The following TPO variants were observed in gnomAD, a reference collection of about 807,000 sequenced individuals.
TPO encodes the protein thyroid peroxidase, also known as thyroid microsomal antigen.
Under a neutral mutation model 96.9 loss-of-function variants are expected in TPO, and 78 were observed. The ratio of observed to expected loss-of-function variants is 0.81; its 90% CI spans 0.67 to 0.97. TPO has a LOEUF of 0.97. Among genes scored for constraint, TPO ranks in the 50% least tolerant of loss-of-function variants. TPO has a pLI of 0.00. For synonymous variants in TPO, 547 were observed against 538.0 expected (o/e 1.02, Z -0.23); for missense variants, 1,252 against 1,274.8 (o/e 0.98, Z 0.27).
chr2:1,376,297 C>G (rs1462739816), intron 1 of TPO, among the ~76,000 whole-genome samples: 1 of 152,132 alleles, frequency 6.6e-6, no homozygotes, highest in Non-Finnish European at 1.5e-5. Context: ...CTCCCACATG[C>G]GTTGATGTGA....
intron 7 of TPO, among the ~76,000 whole-genome samples, chr2:1,458,507 G>A (rs1277584619): frequency 6.6e-6 from 1 of 151,854 alleles, no homozygotes; most frequent in Non-Finnish European, 1.5e-5. Flanking sequence ...GACAGTTTGT[G>A]GGCACATGTG....
chr2:1,532,553 T>G (rs1468387651), intron 15 of TPO, among the ~76,000 whole-genome samples: 1 of 91,272 alleles, frequency 1.1e-5, no homozygotes, highest in Non-Finnish European at 2.1e-5. Flanking sequence ...GTCAGCAACC[T>G]CCTCAAATCC....
chr2:1,408,613 C>T (rs548375114), upstream of TPO, among the ~76,000 whole-genome samples: 9 of 152,130 alleles, frequency 5.9e-5, no homozygotes, highest in South Asian at 2.1e-4. Flanking sequence ...TGGGTGGGCA[C>T]GTGCAGTCAC....
chr2:1,396,785 T>C (rs1662086167), intron 1 of TPO, among the ~76,000 whole-genome samples: 1 of 152,172 alleles, frequency 6.6e-6, no homozygotes, highest in African/African-American at 2.4e-5. Context: ...GCAGGCTTTT[T>C]TGCAAGCTAT....
intron 14 of TPO, among the ~76,000 whole-genome samples, chr2:1,509,614 T>G (rs545107684): frequency 6.7e-6 from 1 of 148,448 alleles, no homozygotes; most frequent in East Asian, 2.0e-4. Flanking sequence ...CAGGATACCC[T>G]CCTGTGTCAG....
intron 11 of TPO, among the ~76,000 whole-genome samples, chr2:1,494,793 A>C (rs971515780): frequency 6.6e-6 from 1 of 152,208 alleles, no homozygotes; most frequent in East Asian, 1.9e-4. Flanking sequence ...CACTGTGCCG[A>C]GGTCAGATTT....
intron 5 of TPO, among the ~76,000 whole-genome samples, chr2:1,446,701 G>T (rs1012911910): frequency 2.0e-5 from 3 of 152,136 alleles, no homozygotes; most frequent in Non-Finnish European, 4.4e-5. Context: ...TGAGAAATAT[G>T]TTTTACAAAT....
chr2:1,484,978 T>C (rs971298555), intron 9 of TPO, 124 bp downstream of exon 9: 2 of 1,442,332 alleles, frequency 1.4e-6, no homozygotes, highest in African/African-American at 1.4e-5. Context: ...ACGTAGGGTA[T>C]ACATGTGCCA....
At chr2:1,480,850 T>TCCCTGCTGCTGCGTCTGTCCTC (rs1296928653) in intron 8 of TPO, among the ~76,000 whole-genome samples, 4 of 60,616 alleles carry the variant, frequency 6.6e-5, no homozygotes, top group African/African-American at 9.4e-5. Flanking sequence ...GTCCTCACCA[T>TCCCTGCTGCTGCGTCTGTCCTC]ACCCACTCTA....
intron 9 of TPO, among the ~76,000 whole-genome samples, chr2:1,485,189 A>G (rs1433785264): frequency 6.6e-6 from 1 of 152,094 alleles, no homozygotes; most frequent in Non-Finnish European, 1.5e-5. Context: ...TTTGCTCAGA[A>G]TGATGGTTTC....
At chr2:1,526,688 TCC>T (rs752195827) in intron 15 of TPO, among the ~76,000 whole-genome samples, 1 of 14,566 alleles carries the variant, frequency 6.9e-5, no homozygotes, top group African/African-American at 2.7e-4. Context: ...CCTCCCCAAA[TCC>T]CCCCCCCACT....
intron 1 of TPO, among the ~76,000 whole-genome samples, chr2:1,399,327 G>A (rs1662130960): frequency 6.6e-6 from 1 of 152,178 alleles, no homozygotes; most frequent in South Asian, 2.1e-4. Context: ...TCCAACTCTG[G>A]CCTTTCCAAT....
rs779427252 is a variant in TPO at position 1,436,358 on chromosome 2, G to A, written c.456G>A (p.Arg152=). ...CPNTCLANKY[R]PITGACNNRD... is the part of the protein sequence containing the mutation. ...ACACTTGCCTGGCGAACAAATACAGGCCCATCACAGGAGCTTGCAACAACA... is the reference window on the plus strand; with the variant it reads ...ACACTTGCCTGGCGAACAAATACAGACCCATCACAGGAGCTTGCAACAACA... Residue 152 remains arginine (R), a synonymous_variant, in exon 5 of 17, where the codon AGG becomes AGA. Coordinates refer to ENST00000329066, the MANE Select transcript of TPO (RefSeq NM_001206744.2). 4 of 1,614,138 alleles carry A rather than the reference G, an allele frequency of 2.5e-6. No individual in the cohort carries two copies. Among genetic ancestry groups the A allele is most frequent in the African/African-American group, 1.3e-5 (1 of 75,020 alleles).
chr2:1,493,153 T>C (rs1487842436), intron 10 of TPO, among the ~76,000 whole-genome samples: 6 of 132,274 alleles, frequency 4.5e-5, no homozygotes, highest in African/African-American at 1.4e-4. Context: ...CAGTCTTCAA[T>C]ATGGAGATGA....
At chr2:1,497,098 G>A (rs1366611645) in intron 13 of TPO, among the ~76,000 whole-genome samples, 1 of 152,144 alleles carries the variant, frequency 6.6e-6, no homozygotes, top group Admixed American at 6.5e-5. Flanking sequence ...AGCAGCAAAC[G>A]TCTCCACTCC....
At chr2:1,383,989 T>G (rs550656410) in intron 1 of TPO, among the ~76,000 whole-genome samples, 97 of 152,338 alleles carry the variant, frequency 6.4e-4, no homozygotes, top group African/African-American at 2.3e-3. Flanking sequence ...TTTCCCCATT[T>G]CTTGTTTTTG....
At chr2:1,506,837 C>G (rs187985696) in intron 14 of TPO, among the ~76,000 whole-genome samples, 4 of 152,276 alleles carry the variant, frequency 2.6e-5, no homozygotes, top group African/African-American at 9.6e-5. Flanking sequence ...TGTAGGTTGC[C>G]TGTTCAGTCT....
At chr2:1,482,647 T>C (rs376141743) in intron 8 of TPO, among the ~76,000 whole-genome samples, 4 of 152,270 alleles carry the variant, frequency 2.6e-5, no homozygotes, top group South Asian at 2.1e-4. Context: ...CCATGAAAAT[T>C]CCAGAGAGCT....
chr2:1,450,761 T>C (rs894979438), intron 5 of TPO, among the ~76,000 whole-genome samples: 25 of 151,868 alleles, frequency 1.6e-4, no homozygotes, highest in African/African-American at 5.8e-4. Context: ...AAAAAATCAC[T>C]GCTTAAGCAG....
Sources: gnomAD v4.1 joint callset for allele counts (sites outside exome capture counted in the v4.1 genomes callset) on GRCh38, gnomAD v4.1.1 for gene constraint, MANE v1.5 for transcripts, NCBI Gene and HGNC (gene_info 2026-07-23, HGNC 2026-07-21) for gene names.